NDC1: variants seen among roughly 807,000 people sequenced by gnomAD.
The protein encoded by NDC1 is NDC1 transmembrane nucleoporin, also known as nucleoporin NDC1.
A neutral mutation model predicts 89.8 loss-of-function variants in NDC1; 24 were observed. The observed-to-expected ratio is 0.27, with a 90% CI of 0.19 to 0.38. The LOEUF (loss-of-function observed/expected upper bound fraction) is 0.38. Among genes scored for constraint, NDC1 ranks in the 10% least tolerant of loss-of-function variants. The pLI is 1.00. For synonymous variants in NDC1, 296 were observed against 284.8 expected (o/e 1.04, Z -0.39); for missense variants, 728 against 797.6 (o/e 0.91, Z 1.05).
chr1:53,825,553 G>A (rs1156636955), intron 5 of NDC1, among the ~76,000 whole-genome samples: 1 of 152,114 alleles, frequency 6.6e-6, no homozygotes, highest in African/African-American at 2.4e-5. Flanking sequence ...AGCAGGGAGG[G>A]AAACAGTGTA....
At chr1:53,778,732 T>A (rs1647181492) in intron 16 of NDC1, among the ~76,000 whole-genome samples, 1 of 152,094 alleles carries the variant, frequency 6.6e-6, no homozygotes, top group South Asian at 2.1e-4. Context: ...ATATGAATAG[T>A]TTAAACTGGG....
In NDC1 at chr1:53,797,050, A is replaced by G. The variant is rs773710181; in HGVS notation, c.1317T>C (p.Ser439=). 2 of 1,614,166 alleles carry G rather than the reference A, an allele frequency of 1.2e-6. No homozygotes were observed. Among genetic ancestry groups the G allele is most frequent in the Non-Finnish European group, 1.7e-6 (2 of 1,180,010 alleles). ...VKTSLFSSKL[S]TPDVVSPFGT... ...CAAATGGGCTCACAACATCAGGTGT[A>G]GATAATTTTGAAGAAAACAGTGATG... is the stretch of plus-strand genomic sequence containing the variant. The change falls in exon 12 of 18, where the codon TCT becomes TCC. Residue 439 remains serine, a synonymous_variant. Transcript: ENST00000371429.
At chr1:53,772,641 C>T (rs757078941) in intron 16 of NDC1, 152 bp from the exon 17 acceptor site, 5 of 523,716 alleles carry the variant, frequency 9.5e-6, no homozygotes, top group Admixed American at 3.1e-5. Context: ...CCAGACTGGG[C>T]GACAGAGATC....
At position 53,796,728 on chromosome 1, in the gene NDC1, G is replaced by A. The variant is rs763552907; in HGVS notation, c.1545C>T (p.Pro515=). The A allele has an allele frequency of 1.2e-6, 2 of 1,611,278 alleles. No individual in the cohort carries two copies. Among genetic ancestry groups the A allele is most frequent in the Non-Finnish European group, 1.7e-6 (2 of 1,178,926 alleles). ...TCTGAATCCATGAATAAATCACACT[G>A]GGTTGTCTCATTGTCTTACCCTCAG... ...ISAEGKTMRQ[P]SVIYSWIQNK... Residue 515 remains proline (P), a synonymous_variant, in exon 13 of 18, where the codon CCC becomes CCT. Coordinates refer to ENST00000371429, the MANE Select transcript of NDC1 (RefSeq NM_018087.5).
At chr1:53,816,814 T>C (rs1244497422) in intron 6 of NDC1, among the ~76,000 whole-genome samples, 1 of 151,972 alleles carries the variant, frequency 6.6e-6, no homozygotes, top group Non-Finnish European at 1.5e-5. Context: ...AGGACATGAA[T>C]AGACAATTCT....
intron 14 of NDC1, among the ~76,000 whole-genome samples, chr1:53,792,983 C>A (rs1161574745): frequency 1.3e-5 from 2 of 152,180 alleles, no homozygotes; most frequent in African/African-American, 4.8e-5. Context: ...CCTATCAGCA[C>A]AAAGCTGCCA....
intron 13 of NDC1, among the ~76,000 whole-genome samples, chr1:53,793,547 T>A (rs914277175): frequency 1.3e-5 from 2 of 152,142 alleles, no homozygotes; most frequent in Non-Finnish European, 2.9e-5. Flanking sequence ...TAAAAAAAAA[T>A]TAATTAATTC....
chr1:53,806,384 T>C (rs1648108946), intron 9 of NDC1, 41 bp downstream of exon 9: 3 of 1,308,136 alleles, frequency 2.3e-6, no homozygotes, highest in African/African-American at 1.5e-5. Context: ...TGAATAAAGT[T>C]AGAGAAAACT....
intron 4 of NDC1, among the ~76,000 whole-genome samples, chr1:53,827,416 C>T (rs1474714877): frequency 1.3e-5 from 2 of 152,150 alleles, no homozygotes; most frequent in Non-Finnish European, 2.9e-5. Flanking sequence ...AGTGGGACTA[C>T]AGGCACATGC....
intron 14 of NDC1, among the ~76,000 whole-genome samples, chr1:53,792,766 T>TA (rs1277019452): frequency 6.6e-6 from 1 of 152,266 alleles, no homozygotes; most frequent in Non-Finnish European, 1.5e-5. Flanking sequence ...GAACAGCTGA[T>TA]ACACAAGTTG....
intron 16 of NDC1, among the ~76,000 whole-genome samples, chr1:53,781,939 A>C (rs928236264): frequency 6.6e-6 from 1 of 152,228 alleles, no homozygotes; most frequent in Non-Finnish European, 1.5e-5. Context: ...ACAAGCATTT[A>C]ATAAGTGCCT....
chr1:53,796,362 T>C (rs754871390), intron 13 of NDC1, among the ~76,000 whole-genome samples: 2 of 152,184 alleles, frequency 1.3e-5, no homozygotes, highest in Non-Finnish European at 2.9e-5. Context: ...ATACATTTGC[T>C]TACTCACTGA....
chr1:53,811,818 T>G (rs1022046540), intron 6 of NDC1, among the ~76,000 whole-genome samples: 4 of 151,966 alleles, frequency 2.6e-5, no homozygotes, highest in Non-Finnish European at 4.4e-5. Flanking sequence ...AGTAGAGCAT[T>G]AAACCACCAA....
At chr1:53,827,053 A>C (rs2100689938) in intron 4 of NDC1, among the ~76,000 whole-genome samples, 1 of 152,298 alleles carries the variant, frequency 6.6e-6, no homozygotes, top group Non-Finnish European at 1.5e-5. Flanking sequence ...TTTTCATAGT[A>C]GTCCTGTACT....
intron 1 of NDC1, among the ~76,000 whole-genome samples, chr1:53,837,527 G>T (rs942749326): frequency 6.6e-6 from 1 of 151,872 alleles, no homozygotes; most frequent in African/African-American, 2.4e-5. Flanking sequence ...CCGACAACGC[G>T]CCATTGCACT....
At chr1:53,813,214 A>G (rs943244531) in intron 6 of NDC1, among the ~76,000 whole-genome samples, 1 of 152,212 alleles carries the variant, frequency 6.6e-6, no homozygotes, top group Non-Finnish European at 1.5e-5. Flanking sequence ...AAGCAAAAAC[A>G]AAAAGCAAAC....
intron 6 of NDC1, among the ~76,000 whole-genome samples, chr1:53,812,431 A>T (rs986870330): frequency 6.6e-6 from 1 of 152,258 alleles, no homozygotes; most frequent in African/African-American, 2.4e-5. Context: ...TAAAAAATTC[A>T]GGAAACTTTG....
chr1:53,817,119 T>C (rs1221967797), intron 6 of NDC1, among the ~76,000 whole-genome samples: 1 of 152,148 alleles, frequency 6.6e-6, no homozygotes, highest in Non-Finnish European at 1.5e-5. Flanking sequence ...TACCATTTGA[T>C]CCCGCAATCC....
intron 8 of NDC1, among the ~76,000 whole-genome samples, chr1:53,807,119 C>A (rs1409021605): frequency 1.3e-5 from 2 of 151,662 alleles, no homozygotes; most frequent in African/African-American, 4.8e-5. Context: ...TGGTGGCACA[C>A]GCCTGTAGTC....
Sources: gnomAD v4.1 joint callset for allele counts (sites outside exome capture counted in the v4.1 genomes callset) on GRCh38, gnomAD v4.1.1 for gene constraint, MANE v1.5 for transcripts, NCBI Gene and HGNC (gene_info 2026-07-23, HGNC 2026-07-21) for gene names.